WIPF3: variants seen among roughly 807,000 people sequenced by gnomAD.
The protein encoded by WIPF3 is WAS/WASL interacting protein family member 3.
Under a neutral mutation model 38.9 loss-of-function variants are expected in WIPF3, and 33 were observed. The ratio of observed to expected loss-of-function variants is 0.85; its 90% CI spans 0.64 to 1.14. The LOEUF is 1.14. Ranked by LOEUF, WIPF3 falls within the 50% of genes most tolerant of loss-of-function variation. The pLI is 0.00. For missense variants in WIPF3, 711 were observed against 652.5 expected, an observed-to-expected ratio of 1.09 and a Z score of -0.98; for synonymous variants, 324 against 269.3, an observed-to-expected ratio of 1.20 and a Z score of -1.99.
At chr7:29,810,879 A>G (rs891285913) in intron 1 of WIPF3, among the ~76,000 whole-genome samples, 23 of 152,010 alleles carry the variant, frequency 1.5e-4, no homozygotes, top group Admixed American at 1.0e-3. Flanking sequence ...AAGGCTAATA[A>G]GATAGATTTA....
At chr7:29,818,720 A>G (rs921692147) in intron 1 of WIPF3, among the ~76,000 whole-genome samples, 2 of 151,998 alleles carry the variant, frequency 1.3e-5, no homozygotes, top group Non-Finnish European at 2.9e-5. Context: ...TGAATTGACT[A>G]CTAGCTGTAG....
intron 2 of WIPF3, among the ~76,000 whole-genome samples, chr7:29,872,798 C>CAAAAAAA (rs61693654): frequency 2.9e-4 from 9 of 31,048 alleles, no homozygotes; most frequent in Non-Finnish European, 3.7e-4. Flanking sequence ...GACTCCATCT[C>CAAAAAAA]AAAAAAAAAA....
chr7:29,879,049 C>A lies in WIPF3; in HGVS notation c.264C>A (p.Asn88Lys), dbSNP rs780910746. The A allele has an allele frequency of 1.2e-6, 2 of 1,605,376 alleles. No individual in the cohort carries two copies. The highest frequency in any genetic ancestry group is 2.2e-5 in the South Asian group (2 of 89,212). Reference protein sequence around the residue: ...GTNKEGGGSANTRGASTPPTL... With the variant: ...GTNKEGGGSAKTRGASTPPTL... ...ACAAAGAAGGAGGAGGTTCTGCAAA[C>A]ACACGAGGCGCGAGCACACCTCCCA... is the stretch of plus-strand genomic sequence containing the variant. The change falls in exon 4 of 9, where the codon AAC (asparagine) becomes AAA (lysine). Residue 88 changes from asparagine to lysine, a missense_variant. Asn to Lys is a moderately conservative substitution (Grantham distance 94, BLOSUM62 0). Transcript: ENST00000242140.
chr7:29,857,591 C>T (rs1785206264), intron 2 of WIPF3, among the ~76,000 whole-genome samples: 1 of 152,074 alleles, frequency 6.6e-6, no homozygotes, highest in Non-Finnish European at 1.5e-5. Context: ...AGCTCTGCTT[C>T]CTATGGCCCA....
At chr7:29,902,803 T>C (rs958046656) in intron 7 of WIPF3, among the ~76,000 whole-genome samples, 1 of 150,962 alleles carries the variant, frequency 6.6e-6, no homozygotes, top group Admixed American at 6.6e-5. Context: ...ATAGCACCAC[T>C]GCACTCCAGC....
At chr7:29,898,315 A>G (rs143740983) in intron 7 of WIPF3, among the ~76,000 whole-genome samples, 159 of 152,236 alleles carry the variant, frequency 1.0e-3, no homozygotes, top group African/African-American at 3.6e-3. Flanking sequence ...CCAACTTACC[A>G]GTGAACTCGG....
At chr7:29,892,186 C>T (rs2128078226) in intron 7 of WIPF3, among the ~76,000 whole-genome samples, 1 of 152,302 alleles carries the variant, frequency 6.6e-6, no homozygotes, top group East Asian at 1.9e-4. Context: ...CCTTTACTCC[C>T]TCAGGCAGCA....
At chr7:29,824,201 C>T (rs907441347) in intron 1 of WIPF3, among the ~76,000 whole-genome samples, 1 of 152,096 alleles carries the variant, frequency 6.6e-6, no homozygotes, top group African/African-American at 2.4e-5. Flanking sequence ...CCAGCTATTA[C>T]GGATGCTGAG....
intron 1 of WIPF3, among the ~76,000 whole-genome samples, chr7:29,830,082 T>C (rs981884357): frequency 6.9e-6 from 1 of 144,620 alleles, no homozygotes; most frequent in African/African-American, 2.5e-5. Flanking sequence ...TTTAGATAAT[T>C]GCTTAATTAT....
chr7:29,888,226 G>C lies in WIPF3; in HGVS notation c.1249+9G>C, dbSNP rs1448326487. On this transcript the variant is annotated intron_variant, in intron 6 of 8. Transcript: ENST00000242140. ...AAGCCTGCACATCATTGGTAAGTGG[G>C]TTGCACCCTCTGCCGGTTTGGCTGC... 6.2e-7 allele frequency: 1 copy of C among 1,602,488 alleles called. No individual in the cohort carries two copies. The highest frequency in any genetic ancestry group is 8.5e-7 in the Non-Finnish European group (1 of 1,174,612).
chr7:29,901,764 G>A (rs1786280420), intron 7 of WIPF3, among the ~76,000 whole-genome samples: 2 of 148,410 alleles, frequency 1.3e-5, no homozygotes. Context: ...CTTGAGCCTG[G>A]GAGACAGAGG....
In WIPF3 at chr7:29,912,838, T is replaced by G. The variant is rs138174647; in HGVS notation, c.1429-1655T>G. ...CCACTCACAAAAGACAGACACCATA[T>G]ATGCCTCCATTTACCTAAGTACTTA... is the stretch of plus-strand genomic sequence containing the variant. On this transcript the variant is annotated intron_variant, in intron 8 of 8. Coordinates refer to ENST00000242140, the MANE Select transcript of WIPF3 (RefSeq NM_001080529.3). Among the ~76,000 whole-genome samples, 3 of 152,284 alleles carry G rather than the reference T, an allele frequency of 2.0e-5. No homozygotes were observed. In the East Asian group the frequency reaches 5.8e-4, roughly 29 times the overall value.
intron 8 of WIPF3, among the ~76,000 whole-genome samples, chr7:29,909,172 A>G (rs1333816121): frequency 6.6e-6 from 1 of 152,176 alleles, no homozygotes; most frequent in East Asian, 1.9e-4. Context: ...ATTTATAGCT[A>G]TAAATTGTTA....
At chr7:29,860,626 A>C (rs2128070511) in intron 2 of WIPF3, among the ~76,000 whole-genome samples, 1 of 152,308 alleles carries the variant, frequency 6.6e-6, no homozygotes, top group South Asian at 2.1e-4. Flanking sequence ...CCTTTATAGC[A>C]ACACAAACAG....
intron 7 of WIPF3, among the ~76,000 whole-genome samples, chr7:29,892,479 C>T (rs937367670): frequency 6.6e-6 from 1 of 152,234 alleles, no homozygotes; most frequent in South Asian, 2.1e-4. Flanking sequence ...CACTAAATGA[C>T]AGTTCCAGGG....
intron 1 of WIPF3, among the ~76,000 whole-genome samples, chr7:29,821,201 G>A (rs1214799293): frequency 6.6e-6 from 1 of 152,142 alleles, no homozygotes; most frequent in Admixed American, 6.5e-5. Context: ...GTCACACATT[G>A]TTTCTCTGGG....
chr7:29,859,602 T>C (rs1020977770), intron 2 of WIPF3, among the ~76,000 whole-genome samples: 16 of 152,152 alleles, frequency 1.1e-4, no homozygotes, highest in Non-Finnish European at 2.4e-4. Flanking sequence ...AGTAGGAACC[T>C]GGAAGCAAAT....
At chr7:29,859,266 A>G (rs1228238640) in intron 2 of WIPF3, among the ~76,000 whole-genome samples, 6 of 152,190 alleles carry the variant, frequency 3.9e-5, no homozygotes, top group Non-Finnish European at 8.8e-5. Flanking sequence ...GAGCTGAGAG[A>G]GAAGATCCAG....
At chr7:29,831,866 GA>G (rs1483747750) in intron 1 of WIPF3, among the ~76,000 whole-genome samples, 3 of 152,180 alleles carry the variant, frequency 2.0e-5, no homozygotes, top group Non-Finnish European at 4.4e-5. Context: ...GCATTGACCA[GA>G]ACTCAGTCTC....
Sources: allele counts gnomAD v4.1 joint callset (sites outside exome capture counted in the v4.1 genomes callset), GRCh38; gene constraint gnomAD v4.1.1; transcripts MANE v1.5; gene names NCBI Gene and HGNC (gene_info 2026-07-23, HGNC 2026-07-21).